LTBP1: variants seen among roughly 807,000 people sequenced by gnomAD.
The protein encoded by LTBP1 is latent transforming growth factor beta binding protein 1, also known as latent-transforming growth factor beta-binding protein 1.
Under a neutral mutation model 207.6 loss-of-function variants are expected in LTBP1, and 129 were observed. The observed-to-expected ratio is 0.62, with a 90% CI of 0.54 to 0.72. The LOEUF (loss-of-function observed/expected upper bound fraction) is 0.72, where lower values mean the gene tolerates loss of function less well. LTBP1 is among the 30% of genes least tolerant of loss of function. The probability of loss-of-function intolerance (pLI) is 0.00; values close to 1 mark genes in which losing one functional copy is unlikely to be tolerated. For synonymous variants in LTBP1, 963 were observed against 833.7 expected (o/e 1.16, Z -2.67); for missense variants, 2,281 against 2,217.2 (o/e 1.03, Z -0.58).
chr2:33,145,443 A>G (rs998089566), intron 5 of LTBP1, among the ~76,000 whole-genome samples: 1 of 152,154 alleles, frequency 6.6e-6, no homozygotes, highest in South Asian at 2.1e-4. Context: ...TAAAAGGAAA[A>G]CTTGTTGTTA....
At chr2:33,090,682 T>A (rs2079032422) in intron 3 of LTBP1, among the ~76,000 whole-genome samples, 2 of 152,174 alleles carry the variant, frequency 1.3e-5, no homozygotes, top group South Asian at 4.1e-4. Context: ...ACCCTGTTGA[T>A]GATCTTTGCT....
At position 33,257,083 on chromosome 2, in the gene LTBP1, A is replaced by AG. The variant is rs567867920; in HGVS notation, c.2168-201_2168-200insG. ...CAGATGGAAAAATGTTTAGTAAAAAAAAAGTTGGATTTTTTTCTTTAAATA... is the reference window on the plus strand; with the variant it reads ...CAGATGGAAAAATGTTTAGTAAAAAAGAAAGTTGGATTTTTTTCTTTAAATA... On this transcript the variant is annotated intron_variant, in intron 11 of 33. Transcript: ENST00000404816. 2.6e-3 allele frequency among the ~76,000 whole-genome samples: 396 copies of AG among 151,942 alleles called. 2 individuals are homozygous for AG. The highest frequency in any genetic ancestry group is 4.1e-3 in the Non-Finnish European group (280 of 67,862).
Position 33,342,822 on chromosome 2 carries a change from C to G in LTBP1, c.3731-16C>G. The G allele has an allele frequency of 1.2e-6, 2 of 1,611,492 alleles. No individual in the cohort carries two copies. Among genetic ancestry groups the G allele is most frequent in the African/African-American group, 2.7e-5 (2 of 74,986 alleles). On this transcript the variant is annotated splice_polypyrimidine_tract_variant and intron_variant, in intron 24 of 33. Transcript: ENST00000404816. ...TGTGTTTGTTTTGTGTCTGATGTTCCATGTCTTTTTTGCAGATATTGATGA... is the reference window on the plus strand; with the variant it reads ...TGTGTTTGTTTTGTGTCTGATGTTCGATGTCTTTTTTGCAGATATTGATGA...
intron 3 of LTBP1, among the ~76,000 whole-genome samples, chr2:33,068,872 C>A (rs2077645518): frequency 6.6e-6 from 1 of 152,082 alleles, no homozygotes; most frequent in South Asian, 2.1e-4. Flanking sequence ...CTCAATATTG[C>A]CTTTTGGCCC....
chr2:33,302,983 AC>A (rs2094015867), intron 22 of LTBP1, among the ~76,000 whole-genome samples: 6 of 149,588 alleles, frequency 4.0e-5, no homozygotes, highest in Non-Finnish European at 5.9e-5. Context: ...ACACACACAC[AC>A]AAACACACAC....
chr2:33,015,087 C>T (rs1376276626), intron 2 of LTBP1, among the ~76,000 whole-genome samples: 1 of 151,810 alleles, frequency 6.6e-6, no homozygotes, highest in Non-Finnish European at 1.5e-5. Flanking sequence ...AATGTTATGC[C>T]CCTTGTGATG....
intron 5 of LTBP1, among the ~76,000 whole-genome samples, chr2:33,182,123 T>C (rs10172685): frequency 0.055 from 8,312 of 152,052 alleles, 755 homozygotes; most frequent in African/African-American, 0.19. Flanking sequence ...GGACTTTTAT[T>C]GGTTGAAATA....
intron 32 of LTBP1, among the ~76,000 whole-genome samples, chr2:33,395,607 C>G (rs2095351322): frequency 6.6e-6 from 1 of 151,984 alleles, no homozygotes. Context: ...AAGAGAAACT[C>G]TGACCAAATT....
At chr2:33,007,962 T>C (rs170167) in intron 2 of LTBP1, among the ~76,000 whole-genome samples, 90,172 of 152,196 alleles carry the variant, frequency 0.59, 28,469 homozygotes, top group Non-Finnish European at 0.7. Flanking sequence ...TTTGACTGTC[T>C]GGCTTCAGTG....
chr2:33,281,911 C>G (rs975261559), intron 19 of LTBP1, among the ~76,000 whole-genome samples: 2 of 151,906 alleles, frequency 1.3e-5, no homozygotes, highest in African/African-American at 4.8e-5. Flanking sequence ...GGAGCAGAGC[C>G]GGAACTCTAC....
chr2:33,155,865 G>A (rs968058639), intron 5 of LTBP1, among the ~76,000 whole-genome samples: 3 of 152,120 alleles, frequency 2.0e-5, no homozygotes, highest in African/African-American at 4.8e-5. Flanking sequence ...TTTTGATAAC[G>A]TTTTGTTAAT....
intron 9 of LTBP1, among the ~76,000 whole-genome samples, chr2:33,224,820 G>T (rs1246055224): frequency 5.3e-5 from 8 of 152,138 alleles, no homozygotes; most frequent in Non-Finnish European, 1.0e-4. Flanking sequence ...AATTAGGCTT[G>T]CCAGTGGTTT....
At chr2:32,970,463 A>C (rs1558454540) in intron 2 of LTBP1, among the ~76,000 whole-genome samples, 2 of 152,124 alleles carry the variant, frequency 1.3e-5, no homozygotes, top group Admixed American at 6.6e-5. Context: ...GTTCAGTTTC[A>C]ATCTTCTGCA....
At chr2:33,006,716 A>G (rs1258142852) in intron 2 of LTBP1, among the ~76,000 whole-genome samples, 3 of 116,376 alleles carry the variant, frequency 2.6e-5, no homozygotes, top group Non-Finnish European at 5.8e-5. Context: ...TAAATTTTAT[A>G]TGTTACTGCT....
chr2:32,971,000 ATTTGTGTGTGTGTGTGTGTGTG>A, intron 2 of LTBP1, among the ~76,000 whole-genome samples: 1 of 99,678 alleles, frequency 1.0e-5, no homozygotes, highest in South Asian at 3.8e-4. Context: ...ATTCCTAGGT[ATTTGTGTGTGTGTGTGTGTGTG>A]TGTGTGTGTG....
intron 8 of LTBP1, among the ~76,000 whole-genome samples, chr2:33,218,522 G>A (rs1345508761): frequency 6.6e-6 from 1 of 152,070 alleles, no homozygotes; most frequent in Non-Finnish European, 1.5e-5. Context: ...TCAGCCTCCC[G>A]AGTAGCTAGG....
chr2:32,995,077 G>T (rs1685044928), intron 2 of LTBP1, among the ~76,000 whole-genome samples: 1 of 151,966 alleles, frequency 6.6e-6, no homozygotes, highest in Non-Finnish European at 1.5e-5. Flanking sequence ...TCAGCTGCTT[G>T]GGAGGCTAAG....
intron 32 of LTBP1, among the ~76,000 whole-genome samples, chr2:33,394,626 A>G (rs529173351): frequency 4.6e-5 from 7 of 152,180 alleles, no homozygotes; most frequent in African/African-American, 1.2e-4. Flanking sequence ...GATGTGTGGT[A>G]TTATTTCTGA....
intron 4 of LTBP1, among the ~76,000 whole-genome samples, chr2:33,127,127 G>A (rs1464014789): frequency 1.3e-5 from 2 of 152,164 alleles, no homozygotes; most frequent in Non-Finnish European, 2.9e-5. Flanking sequence ...TCCCTTAGAG[G>A]CACATCAAGA....
Sources: allele counts gnomAD v4.1 joint callset (sites outside exome capture counted in the v4.1 genomes callset), GRCh38; gene constraint gnomAD v4.1.1; transcripts MANE v1.5; gene names NCBI Gene and HGNC (gene_info 2026-07-23, HGNC 2026-07-21).